Variants in DLGAP1 observed in about 807,000 individuals in gnomAD.
DLGAP1 encodes the protein DLG associated protein 1.
DLGAP1 carries 11 observed loss-of-function variants against 90.8 expected under a neutral mutation model. That is an observed-to-expected ratio of 0.12 (90% CI 0.08 to 0.20). DLGAP1 has a LOEUF of 0.20. Ranked by LOEUF, DLGAP1 falls within the 10% of genes least tolerant of loss-of-function variation. The pLI is 1.00. For synonymous variants in DLGAP1, 558 were observed against 540.7 expected, an observed-to-expected ratio of 1.03 and a Z score of -0.44; for missense variants, 1,050 against 1,333.8, an observed-to-expected ratio of 0.79 and a Z score of 3.31.
intron 1 of DLGAP1, among the ~76,000 whole-genome samples, chr18:4,195,718 A>C (rs934718152): frequency 5.9e-5 from 9 of 151,912 alleles, no homozygotes; most frequent in African/African-American, 1.7e-4. Context: ...CACCTGGCTA[A>C]TTTTTTGTAT....
chr18:4,057,870 T>C (rs1336358470), intron 2 of DLGAP1, among the ~76,000 whole-genome samples: 1 of 152,150 alleles, frequency 6.6e-6, no homozygotes, highest in East Asian at 1.9e-4. Flanking sequence ...CTGTACATGA[T>C]TTTCTCCTCC....
chr18:3,901,147 A>G (rs921903662), intron 3 of DLGAP1, among the ~76,000 whole-genome samples: 1 of 151,826 alleles, frequency 6.6e-6, no homozygotes, highest in African/African-American at 2.4e-5. Context: ...AGTTTTCCTT[A>G]CCCACCCTGG....
At chr18:3,799,166 G>A (rs903491467) in intron 5 of DLGAP1, among the ~76,000 whole-genome samples, 5 of 152,144 alleles carry the variant, frequency 3.3e-5, no homozygotes, top group African/African-American at 4.8e-5. Flanking sequence ...CACTGTGTCC[G>A]GCAATAGACC....
At chr18:4,051,847 A>G (rs999704978) in intron 2 of DLGAP1, among the ~76,000 whole-genome samples, 11 of 152,352 alleles carry the variant, frequency 7.2e-5, no homozygotes, top group African/African-American at 2.6e-4. Flanking sequence ...ACATTGGGTA[A>G]ATACACCCAT....
chr18:4,172,446 G>A (rs776185758), intron 1 of DLGAP1, among the ~76,000 whole-genome samples: 1 of 152,146 alleles, frequency 6.6e-6, no homozygotes, highest in Non-Finnish European at 1.5e-5. Flanking sequence ...TTGCATGCGC[G>A]TGAATACATG....
chr18:4,067,071 A>G (rs1247104955), intron 2 of DLGAP1, among the ~76,000 whole-genome samples: 1 of 152,138 alleles, frequency 6.6e-6, no homozygotes, highest in African/African-American at 2.4e-5. Flanking sequence ...AAATTAACAT[A>G]GGAAGAGAAA....
At chr18:4,149,929 A>G (rs1272844071) in intron 2 of DLGAP1, among the ~76,000 whole-genome samples, 1 of 152,222 alleles carries the variant, frequency 6.6e-6, no homozygotes, top group African/African-American at 2.4e-5. Context: ...ACAGCCCAGC[A>G]TTGTGAGGGA....
intron 1 of DLGAP1, among the ~76,000 whole-genome samples, chr18:4,444,048 A>T (rs971967970): frequency 6.6e-6 from 1 of 152,206 alleles, no homozygotes; most frequent in Admixed American, 6.5e-5. Context: ...GGTTAACCGA[A>T]CACACACAAT....
chr18:4,233,993 A>T (rs966213879), intron 1 of DLGAP1, among the ~76,000 whole-genome samples: 5 of 152,108 alleles, frequency 3.3e-5, no homozygotes, highest in African/African-American at 1.2e-4. Flanking sequence ...ATATTTAAAT[A>T]TCTTAATTTT....
chr18:4,252,428 A>G (rs1269901137), intron 1 of DLGAP1, among the ~76,000 whole-genome samples: 1 of 152,238 alleles, frequency 6.6e-6, no homozygotes, highest in Non-Finnish European at 1.5e-5. Flanking sequence ...TGAGAAAAGT[A>G]TTTGAAGTTG....
intron 3 of DLGAP1, chr18:3,892,031 C>T (rs374616452): frequency 1.3e-5 from 2 of 151,746 alleles, no homozygotes; most frequent in Non-Finnish European, 2.9e-5. Context: ...GCATGAGCCA[C>T]CGTATCCAGC....
intron 2 of DLGAP1, among the ~76,000 whole-genome samples, chr18:4,146,535 C>T (rs1011035920): frequency 6.6e-6 from 1 of 152,074 alleles, no homozygotes; most frequent in Non-Finnish European, 1.5e-5. Flanking sequence ...GTTATTTGTC[C>T]TAAACCCTTC....
chr18:3,745,717 T>G (rs984941071), intron 5 of DLGAP1, among the ~76,000 whole-genome samples: 3 of 152,090 alleles, frequency 2.0e-5, no homozygotes, highest in Non-Finnish European at 4.4e-5. Flanking sequence ...TGAGATGGAG[T>G]CTTGCTTTAT....
chr18:4,023,308 G>A (rs968162895), intron 2 of DLGAP1, among the ~76,000 whole-genome samples: 30 of 151,440 alleles, frequency 2.0e-4, no homozygotes, highest in African/African-American at 6.3e-4. Flanking sequence ...TGTACCATAT[G>A]GACAGTCTTT....
At chr18:4,008,747 T>C (rs556158591) in intron 2 of DLGAP1, among the ~76,000 whole-genome samples, 2 of 152,356 alleles carry the variant, frequency 1.3e-5, no homozygotes, top group South Asian at 4.1e-4. Flanking sequence ...AGTTCAGTGC[T>C]CAATATGTTG....
chr18:4,222,208 A>G (rs2078091409), intron 1 of DLGAP1, among the ~76,000 whole-genome samples: 1 of 152,148 alleles, frequency 6.6e-6, no homozygotes. Flanking sequence ...CATATATCCA[A>G]TTGCCTACTT....
rs890682501 is a variant in DLGAP1 at position 3,851,130 on chromosome 18, G to A, written c.957+27982C>T. ...TAATACTGTGGTAGGTAAGTGGGAG[G>A]TATGAAGGGGTTCTAGATATAGCAG... On this transcript the variant is annotated intron_variant, in intron 4 of 12. Transcript: ENST00000315677. Among the ~76,000 whole-genome samples, 3 of 152,176 alleles carry A rather than the reference G, an allele frequency of 2.0e-5. No individual in the cohort carries two copies. In the South Asian group the frequency reaches 6.2e-4, roughly 31 times the overall value.
chr18:3,909,000 T>A (rs2071974750), intron 3 of DLGAP1, among the ~76,000 whole-genome samples: 1 of 152,136 alleles, frequency 6.6e-6, no homozygotes, highest in Admixed American at 6.5e-5. Flanking sequence ...GTTGCTGAAA[T>A]CAGTAGAAAC....
chr18:4,132,221 A>T (rs1161159550), intron 2 of DLGAP1, among the ~76,000 whole-genome samples: 2 of 152,188 alleles, frequency 1.3e-5, no homozygotes, highest in East Asian at 3.9e-4. Flanking sequence ...CACTGAAATG[A>T]TTCAACCATA....
Sources: gnomAD v4.1 joint callset for allele counts (sites outside exome capture counted in the v4.1 genomes callset) on GRCh38, gnomAD v4.1.1 for gene constraint, MANE v1.5 for transcripts, NCBI Gene and HGNC (gene_info 2026-07-23, HGNC 2026-07-21) for gene names.